Variants in GALNTL6 observed in about 807,000 individuals in gnomAD.
GALNTL6 encodes polypeptide N-acetylgalactosaminyltransferase like 6.
GALNTL6 carries 46 observed loss-of-function variants against 73.7 expected under a neutral mutation model. The observed-to-expected ratio is 0.62, with a 90% CI of 0.49 to 0.80. The LOEUF is 0.80. Ranked by LOEUF, GALNTL6 falls within the 30% of genes least tolerant of loss-of-function variation. The pLI is 0.00. For synonymous variants in GALNTL6, 259 were observed against 263.7 expected (o/e 0.98, Z 0.17); for missense variants, 604 against 755.0 (o/e 0.80, Z 2.34).
intron 4 of GALNTL6, among the ~76,000 whole-genome samples, chr4:172,315,519 AG>A (rs1223701854): frequency 6.6e-6 from 1 of 152,032 alleles, no homozygotes; most frequent in Non-Finnish European, 1.5e-5. Context: ...CCAAAGTGCT[AG>A]GGTTATAGGC....
At chr4:173,005,018 A>G (rs1752210656) in intron 10 of GALNTL6, among the ~76,000 whole-genome samples, 1 of 152,026 alleles carries the variant, frequency 6.6e-6, no homozygotes. Flanking sequence ...CCCCTACCCC[A>G]CATCTACTAG....
intron 2 of GALNTL6, among the ~76,000 whole-genome samples, chr4:172,006,977 A>T (rs1425828850): frequency 2.6e-5 from 4 of 152,208 alleles, no homozygotes; most frequent in African/African-American, 7.2e-5. Context: ...AAAACTTTAA[A>T]GTTAATATGT....
chr4:172,896,040 G>A (rs887718340), intron 8 of GALNTL6, among the ~76,000 whole-genome samples: 14 of 151,746 alleles, frequency 9.2e-5, no homozygotes, highest in African/African-American at 2.9e-4. Flanking sequence ...TTTCCTTTAG[G>A]TTCGTTGACT....
chr4:172,905,400 G>C (rs1206009884), intron 8 of GALNTL6, among the ~76,000 whole-genome samples: 1 of 152,084 alleles, frequency 6.6e-6, no homozygotes, highest in African/African-American at 2.4e-5. Context: ...ATCTTGTTAT[G>C]ATTTAATATT....
At chr4:172,135,461 T>G (rs1264353268) in intron 2 of GALNTL6, among the ~76,000 whole-genome samples, 1 of 151,940 alleles carries the variant, frequency 6.6e-6, no homozygotes, top group Admixed American at 6.6e-5. Flanking sequence ...CCTTTGCTCT[T>G]AAGCTTAAAT....
chr4:171,974,605 C>T (rs961433480), intron 2 of GALNTL6, among the ~76,000 whole-genome samples: 5 of 151,942 alleles, frequency 3.3e-5, no homozygotes, highest in Non-Finnish European at 7.4e-5. Context: ...TACCTTTAGA[C>T]AAAAAAATTT....
chr4:172,415,757 T>G (rs999111448), intron 5 of GALNTL6, among the ~76,000 whole-genome samples: 1 of 151,764 alleles, frequency 6.6e-6, no homozygotes, highest in African/African-American at 2.4e-5. Context: ...GGGGTCCGAG[T>G]GAGAGGGTTG....
At chr4:172,966,464 G>A (rs1190172732) in intron 10 of GALNTL6, among the ~76,000 whole-genome samples, 1 of 151,546 alleles carries the variant, frequency 6.6e-6, no homozygotes, top group Non-Finnish European at 1.5e-5. Context: ...GCATGATCTC[G>A]GCTTACTGCA....
intron 5 of GALNTL6, among the ~76,000 whole-genome samples, chr4:172,769,278 A>C (rs906594892): frequency 3.9e-5 from 6 of 152,198 alleles, no homozygotes; most frequent in Non-Finnish European, 2.9e-5. Context: ...TTTTAAAAAA[A>C]AGATATTTTA....
intron 3 of GALNTL6, among the ~76,000 whole-genome samples, chr4:172,255,854 A>G (rs1032105132): frequency 3.3e-5 from 5 of 151,388 alleles, no homozygotes; most frequent in African/African-American, 9.7e-5. Flanking sequence ...GAATGTAGCT[A>G]TTAGGAAATC....
At chr4:172,980,560 C>A (rs151226862) in intron 10 of GALNTL6, among the ~76,000 whole-genome samples, 1 of 152,064 alleles carries the variant, frequency 6.6e-6, no homozygotes, top group Non-Finnish European at 1.5e-5. Flanking sequence ...CAGGTTCTCG[C>A]GAGGGCTGTC....
At chr4:172,812,652 T>C (rs1741375661) in intron 6 of GALNTL6, among the ~76,000 whole-genome samples, 1 of 151,502 alleles carries the variant, frequency 6.6e-6, no homozygotes, top group South Asian at 2.1e-4. Flanking sequence ...AGAAGCACAA[T>C]GGAACACTCG....
intron 2 of GALNTL6, among the ~76,000 whole-genome samples, chr4:171,905,177 C>G (rs1737236306): frequency 6.6e-6 from 1 of 151,878 alleles, no homozygotes; most frequent in Admixed American, 6.6e-5. Flanking sequence ...ACTAAATGCT[C>G]CAATTAAAAG....
At chr4:172,923,960 T>C (rs1052322844) in intron 8 of GALNTL6, among the ~76,000 whole-genome samples, 3 of 151,882 alleles carry the variant, frequency 2.0e-5, no homozygotes, top group Non-Finnish European at 4.4e-5. Context: ...GAATTCAAGA[T>C]GAGATTTTTG....
At chr4:172,513,914 T>C (rs2110797217) in intron 5 of GALNTL6, among the ~76,000 whole-genome samples, 1 of 152,326 alleles carries the variant, frequency 6.6e-6, no homozygotes, top group African/African-American at 2.4e-5. Flanking sequence ...AGTTGTCATG[T>C]AGACATACTG....
At chr4:172,855,617 C>G (rs545796443) in intron 7 of GALNTL6, among the ~76,000 whole-genome samples, 2 of 152,276 alleles carry the variant, frequency 1.3e-5, no homozygotes, top group Non-Finnish European at 2.9e-5. Context: ...GTCTAAGGCT[C>G]TCTGAATGTA....
At chr4:172,587,865 C>G (rs957950516) in intron 5 of GALNTL6, among the ~76,000 whole-genome samples, 1 of 152,140 alleles carries the variant, frequency 6.6e-6, no homozygotes, top group Non-Finnish European at 1.5e-5. Flanking sequence ...GTGCTTTACT[C>G]CCAAACACCC....
At chr4:172,002,583 A>G (rs917350231) in intron 2 of GALNTL6, among the ~76,000 whole-genome samples, 3 of 152,170 alleles carry the variant, frequency 2.0e-5, no homozygotes, top group African/African-American at 7.2e-5. Flanking sequence ...TCTACTAAGT[A>G]TTAACATTTC....
chr4:172,443,661 A>G (rs1441065395), intron 5 of GALNTL6, among the ~76,000 whole-genome samples: 3 of 152,174 alleles, frequency 2.0e-5, no homozygotes, highest in African/African-American at 7.2e-5. Flanking sequence ...TGAAGTCCAA[A>G]CAATTTTTAC....
Sources: gnomAD v4.1 joint callset for allele counts (sites outside exome capture counted in the v4.1 genomes callset) on GRCh38, gnomAD v4.1.1 for gene constraint, MANE v1.5 for transcripts, NCBI Gene and HGNC (gene_info 2026-07-23, HGNC 2026-07-21) for gene names.